ADAMTSL3: variants seen among roughly 807,000 people sequenced by gnomAD.
ADAMTSL3 encodes ADAMTS-like protein 3.
A neutral mutation model predicts 201.7 loss-of-function variants in ADAMTSL3; 128 were observed. The observed-to-expected ratio is 0.63, with a 90% confidence interval of 0.55 to 0.73. The LOEUF (loss-of-function observed/expected upper bound fraction) is 0.73, where lower values mean the gene tolerates loss of function less well. Ranked by LOEUF, ADAMTSL3 falls within the 30% of genes least tolerant of loss-of-function variation. The probability of loss-of-function intolerance (pLI) is 0.00; values close to 1 mark genes in which losing one functional copy is unlikely to be tolerated. For synonymous variants in ADAMTSL3, 738 were observed against 748.4 expected, an observed-to-expected ratio of 0.99 and a Z score of 0.23; for missense variants, 1,990 against 2,119.6, an observed-to-expected ratio of 0.94 and a Z score of 1.20.
intron 3 of ADAMTSL3, among the ~76,000 whole-genome samples, chr15:83,737,328 A>G (rs568873666): frequency 6.6e-6 from 1 of 152,272 alleles, no homozygotes; most frequent in Admixed American, 6.5e-5. Flanking sequence ...TCTCCTCCCA[A>G]ATCTCATCTT....
At chr15:83,859,679 G>A (rs535756722) in intron 8 of ADAMTSL3, among the ~76,000 whole-genome samples, 1 of 152,238 alleles carries the variant, frequency 6.6e-6, no homozygotes, top group South Asian at 2.1e-4. Context: ...TTCCATTCAT[G>A]GGGGTGGTGG....
At chr15:84,018,795 C>A (rs992025463) in intron 25 of ADAMTSL3, among the ~76,000 whole-genome samples, 7 of 152,002 alleles carry the variant, frequency 4.6e-5, no homozygotes, top group Non-Finnish European at 1.0e-4. Flanking sequence ...CATGGGAGGT[C>A]ATTGAGGAGT....
intron 3 of ADAMTSL3, among the ~76,000 whole-genome samples, chr15:83,720,517 A>C (rs570235441): frequency 9.9e-5 from 15 of 152,232 alleles, no homozygotes; most frequent in Admixed American, 2.6e-4. Context: ...TTGTAAAAGC[A>C]TCCCCGTGAT....
chr15:83,782,450 C>T (rs2063186835), intron 4 of ADAMTSL3, among the ~76,000 whole-genome samples: 1 of 152,066 alleles, frequency 6.6e-6, no homozygotes, highest in Non-Finnish European at 1.5e-5. Flanking sequence ...GTATTCCAGC[C>T]TTGGTGACAG....
At chr15:83,998,679 G>A (rs151214247) in intron 23 of ADAMTSL3, among the ~76,000 whole-genome samples, 1,744 of 152,284 alleles carry the variant, frequency 0.011, 16 homozygotes, top group South Asian at 0.021. Flanking sequence ...AGAACGCACA[G>A]CTCTTTCTAG....
intron 3 of ADAMTSL3, among the ~76,000 whole-genome samples, chr15:83,743,061 A>G (rs963214253): frequency 6.6e-5 from 10 of 152,016 alleles, no homozygotes; most frequent in African/African-American, 2.4e-4. Context: ...TAGTACTTAC[A>G]TTCCTGTGTT....
At chr15:83,717,932 A>G (rs2062042339) in intron 3 of ADAMTSL3, among the ~76,000 whole-genome samples, 1 of 152,230 alleles carries the variant, frequency 6.6e-6, no homozygotes, top group East Asian at 1.9e-4. Context: ...AAAGCAAATG[A>G]ACAATACAAA....
At chr15:83,747,963 T>G (rs1447137416) in intron 3 of ADAMTSL3, among the ~76,000 whole-genome samples, 1 of 151,810 alleles carries the variant, frequency 6.6e-6, no homozygotes, top group Non-Finnish European at 1.5e-5. Flanking sequence ...AAGTGTCTGC[T>G]TGGCGTCTCC....
chr15:83,988,816 C>T lies in ADAMTSL3; in HGVS notation c.3842C>T (p.Ala1281Val). The T allele has an allele frequency of 7.3e-6, 11 of 1,515,234 alleles. No individual in the cohort carries two copies. The highest frequency in any genetic ancestry group is 9.8e-6 in the Non-Finnish European group (11 of 1,124,914). 93.9% of individuals were successfully genotyped at this position (1,515,234 alleles called of 1,614,324 possible). A position where few individuals can be genotyped will look rare whatever the true frequency, so the allele number is the denominator to read the frequency against. Residue 1281 changes from alanine (A) to valine (V), a missense_variant and splice_region_variant, in exon 22 of 30, where the codon GCA (alanine) becomes GTA (valine). Transcript: ENST00000286744. ...SDVESSSVLY[A>V]EAPVILSVER... Reference sequence around the variant, plus strand: ...GTGGAAAGTTCTTCTGTGCTGTATGCAGGTAATGCCCACTGTTGAAATCTA... The same window carrying T: ...GTGGAAAGTTCTTCTGTGCTGTATGTAGGTAATGCCCACTGTTGAAATCTA...
intron 19 of ADAMTSL3, among the ~76,000 whole-genome samples, chr15:83,960,633 G>A (rs112991573): frequency 3.3e-5 from 5 of 152,152 alleles, no homozygotes; most frequent in African/African-American, 1.2e-4. Flanking sequence ...AAAGAAGGAG[G>A]GGGGAGGGGC....
At position 83,714,898 on chromosome 15, in the gene ADAMTSL3, C is replaced by T. The variant is rs1316082163; in HGVS notation, c.189+10390C>T. Among the ~76,000 whole-genome samples the T allele has an allele frequency of 5.2e-3, 327 of 62,828 alleles. 2 individuals are homozygous for T. Among genetic ancestry groups the T allele is most frequent in the Non-Finnish European group, 7.9e-3 (253 of 32,052 alleles). The allele number at this position is 62,828 out of a possible 152,430, so 41.2% of individuals were successfully genotyped here. ...CCTCCCTTCCTTCCTTCCTTCCTTC[C>T]TTCCTTCCTTCCTTCCTTCCTTCCT... On this transcript the variant is annotated intron_variant, in intron 3 of 29. Coordinates refer to ENST00000286744, the MANE Select transcript of ADAMTSL3 (RefSeq NM_207517.3).
At chr15:83,848,020 A>C (rs2064536331) in intron 7 of ADAMTSL3, among the ~76,000 whole-genome samples, 1 of 152,092 alleles carries the variant, frequency 6.6e-6, no homozygotes, top group South Asian at 2.1e-4. Flanking sequence ...TTTTAAAAAA[A>C]CTACTTTATG....
chr15:83,983,462 T>C, intron 21 of ADAMTSL3, 118 bp downstream of exon 21: 4 of 817,700 alleles, frequency 4.9e-6, no homozygotes, highest in Non-Finnish European at 7.3e-6. Context: ...CAGGATTCTT[T>C]AGGAAAGAAA....
At chr15:83,804,938 A>C (rs1024413896) in intron 5 of ADAMTSL3, among the ~76,000 whole-genome samples, 1 of 152,216 alleles carries the variant, frequency 6.6e-6, no homozygotes, top group Admixed American at 6.5e-5. Flanking sequence ...TCATAGAAAC[A>C]ATATAATATC....
rs144968645 is a variant in ADAMTSL3 at position 84,037,752 on chromosome 15, G to C, written c.5022G>C (p.Leu1674Phe). 663 of 1,613,606 alleles carry C rather than the reference G, an allele frequency of 4.1e-4. 5 individuals are homozygous for C. Among genetic ancestry groups the C allele is most frequent in the Admixed American group, 4.0e-4 (24 of 59,910 alleles). ...GTATGTTTGTAAAACATCTTAATTTGTGTTCTCTAGACCGCTACAAACAAA... is the reference window on the plus strand; with the variant it reads ...GTATGTTTGTAAAACATCTTAATTTCTGTTCTCTAGACCGCTACAAACAAA... Reference protein sequence around the residue: ...HYCMFVKHLNLCSLDRYKQRC... With the variant: ...HYCMFVKHLNFCSLDRYKQRC... The change falls in exon 30 of 30, where the codon TTG becomes TTC. Residue 1674 changes from leucine to phenylalanine, a missense_variant. Physicochemically the swap from Leu to Phe is conservative, Grantham distance 22 (BLOSUM62 0). Transcript: ENST00000286744.
intron 3 of ADAMTSL3, among the ~76,000 whole-genome samples, chr15:83,705,897 T>A (rs2061844058): frequency 6.6e-6 from 1 of 152,086 alleles, no homozygotes; most frequent in Non-Finnish European, 1.5e-5. Context: ...CATTCAATCA[T>A]ATTTTCAAGT....
chr15:83,749,128 C>G (rs575119089), intron 3 of ADAMTSL3, among the ~76,000 whole-genome samples: 3 of 152,258 alleles, frequency 2.0e-5, no homozygotes, highest in Non-Finnish European at 4.4e-5. Context: ...CTGAGCTGTC[C>G]TAAGTTAGAC....
intron 3 of ADAMTSL3, among the ~76,000 whole-genome samples, chr15:83,749,421 T>A (rs73437211): frequency 0.21 from 32,651 of 152,034 alleles, 4,077 homozygotes; most frequent in East Asian, 0.35. Flanking sequence ...TGGGCAGCTG[T>A]CAACATGTCA....
chr15:83,831,965 G>A (rs2141960087), intron 6 of ADAMTSL3, among the ~76,000 whole-genome samples: 1 of 152,224 alleles, frequency 6.6e-6, no homozygotes, highest in Non-Finnish European at 1.5e-5. Flanking sequence ...TACAATGAAT[G>A]CAGTGAAGTT....
Sources: allele counts gnomAD v4.1 joint callset (sites outside exome capture counted in the v4.1 genomes callset), GRCh38; gene constraint gnomAD v4.1.1; transcripts MANE v1.5; gene names NCBI Gene and HGNC (gene_info 2026-07-23, HGNC 2026-07-21).